HMCN2: variants seen among roughly 807,000 people sequenced by gnomAD.
HMCN2 encodes the protein hemicentin 2.
In HMCN2, 325 loss-of-function variants were observed where a neutral mutation model predicts 377.5. The observed-to-expected ratio is 0.86, with a 90% confidence interval of 0.79 to 0.94. The LOEUF (loss-of-function observed/expected upper bound fraction) is 0.94, where lower values mean the gene tolerates loss of function less well. HMCN2 is among the 40% of genes least tolerant of loss of function. The pLI is 0.00. For synonymous variants in HMCN2, 2,007 were observed against 2,046.8 expected (o/e 0.98, Z 0.53); for missense variants, 4,543 against 4,725.3 (o/e 0.96, Z 1.13).
At chr9:130,395,177 C>T (rs1355657727) in intron 70 of HMCN2, 34 bp from the exon 71 acceptor site, 2 of 1,283,912 alleles carry the variant, frequency 1.6e-6, no homozygotes, top group Non-Finnish European at 2.0e-6. Context: ...GGTGAGTCCC[C>T]CTCTCATATC....
chr9:130,371,756 AC>A (rs558963487), intron 46 of HMCN2, among the ~76,000 whole-genome samples: 3 of 152,350 alleles, frequency 2.0e-5, no homozygotes, highest in Admixed American at 1.3e-4. Context: ...GAATTCAGAG[AC>A]TGCATTGGGC....
chr9:130,429,523 C>T (rs1473688484), intron 93 of HMCN2, 34 bp from the exon 94 acceptor site: 2 of 1,549,568 alleles, frequency 1.3e-6, no homozygotes, highest in East Asian at 2.4e-5. Context: ...CTGGGCTAGA[C>T]CTCCCCACCA....
chr9:130,293,278 A>ATTTTTTTTTTTTTTTTTTTTTT (rs1554930691), intron 4 of HMCN2, among the ~76,000 whole-genome samples: 2 of 30,018 alleles, frequency 6.7e-5, no homozygotes, highest in Non-Finnish European at 5.3e-5. Flanking sequence ...TACTCACTAA[A>ATTTTTTTTTTTTTTTTTTTTTT]GTTTTTTTTT....
At chr9:130,339,865 C>T (rs1045404270) in intron 23 of HMCN2, among the ~76,000 whole-genome samples, 5 of 152,144 alleles carry the variant, frequency 3.3e-5, no homozygotes, top group African/African-American at 1.2e-4. Context: ...GGTGGGTGCA[C>T]CTCAGTGTCC....
rs1438727452 is a variant in HMCN2 at position 130,425,669 on chromosome 9, C to A, written c.13642-18C>A. On this transcript the variant is annotated intron_variant, in intron 89 of 97. Coordinates refer to ENST00000683500, the MANE Select transcript of HMCN2 (RefSeq NM_001291815.2). ...CTCCCCCACCCCTCCTCCTCCTCCC[C>A]TCCTCTTCATCCTGCAGGACTTTGA... 2.0e-6 allele frequency: 3 copies of A among 1,514,878 alleles called. No homozygotes were observed. The highest frequency in any genetic ancestry group is 9.0e-7 in the Non-Finnish European group (1 of 1,114,824). 93.8% of individuals were successfully genotyped at this position (1,514,878 alleles called of 1,614,324 possible).
rs1839233543 is a variant in HMCN2 at position 130,344,475 on chromosome 9, G to T, written c.3829+2039G>T. On this transcript the variant is annotated intron_variant, in intron 25 of 97. Coordinates refer to ENST00000683500, the MANE Select transcript of HMCN2 (RefSeq NM_001291815.2). ...GGTGTTTGGTGTATGTTGTGTGTGT[G>T]GTGTGCATGGTGTTTGTGTGTGGTG... 2.0e-5 allele frequency among the ~76,000 whole-genome samples: 3 copies of T among 151,292 alleles called. No individual in the cohort carries two copies. The South Asian group carries it at 6.3e-4, about 32-fold the overall frequency.
intron 89 of HMCN2, 116 bp downstream of exon 89, chr9:130,425,246 GCTGGGTCACAGTCTAGC>G (rs1477155963): frequency 8.2e-7 from 1 of 1,220,594 alleles, no homozygotes; most frequent in East Asian, 2.6e-5. Context: ...GCGCTGCAGG[GCTGGGTCACAGTCTAGC>G]CTTGGACTTA....
intron 1 of HMCN2, among the ~76,000 whole-genome samples, chr9:130,278,403 C>T (rs1019786978): frequency 3.6e-4 from 55 of 152,064 alleles, no homozygotes; most frequent in Non-Finnish European, 5.3e-4. Flanking sequence ...GGATTACAGG[C>T]GTGAGCCACC....
intron 8 of HMCN2, 104 bp downstream of exon 8, chr9:130,299,392 T>C (rs1836346072): frequency 5.5e-6 from 2 of 362,234 alleles, no homozygotes; most frequent in Admixed American, 7.7e-5. Flanking sequence ...GATTAGAAAG[T>C]GTTTGTTCAT....
rs2131673283 is a variant in HMCN2, at chr9:130,391,206, G to A, written c.9670G>A (p.Ala3224Thr). 2 of 987,914 alleles carry A rather than the reference G, an allele frequency of 2.0e-6. No homozygotes were observed. The highest frequency in any genetic ancestry group is 2.3e-4 in the East Asian group (2 of 8,824). The allele number at this position is 987,914 out of a possible 1,614,324, so 61.2% of individuals were successfully genotyped here. A position where few individuals can be genotyped will look rare whatever the true frequency, so the allele number is the denominator to read the frequency against. ...GCCTCACTGCACCCCTGCCTCAGTG[G>A]CCCCCCGGATCCGGAGCTCGGGCGT... is the stretch of plus-strand genomic sequence containing the variant. ...RKDFVVAVLV[A>T]PRIRSSGVAR... Residue 3224 changes from alanine (A) to threonine (T), a missense_variant and splice_region_variant, in exon 64 of 98, where the codon GCC (alanine) becomes ACC (threonine). Physicochemically the swap from Ala to Thr is moderately conservative, Grantham distance 58. Around this residue, in one of 5 missense-constraint regions of HMCN2, gnomAD observed 736 missense variants for 773.2 expected, o/e 0.95. Transcript: ENST00000683500.
chr9:130,272,225 T>TA (rs1248542566), intron 1 of HMCN2, among the ~76,000 whole-genome samples: 11 of 149,022 alleles, frequency 7.4e-5, no homozygotes, highest in African/African-American at 1.9e-4. Context: ...TCTTCTTTTT[T>TA]AAAAAAAATA....
At chr9:130,346,845 G>T (rs1262814802) in intron 25 of HMCN2, among the ~76,000 whole-genome samples, 5 of 152,126 alleles carry the variant, frequency 3.3e-5, no homozygotes, top group African/African-American at 9.7e-5. Context: ...GGGGCTGGGG[G>T]TGCCTGTTGG....
At position 130,395,495 on chromosome 9, in the gene HMCN2, G is replaced by C. The variant is rs772800365; in HGVS notation, c.10911+148G>C. On this transcript the variant is annotated intron_variant, in intron 71 of 97. Transcript: ENST00000683500. ...CTGTTCCCCGGGTGTCATACCCCCC[G>C]CCATTGTCATTGTCACTCCCATTTT... 3 of 658,426 alleles carry C rather than the reference G, an allele frequency of 4.6e-6. No homozygotes were observed. In the South Asian group the frequency reaches 5.8e-5, roughly 13 times the overall value. The allele number at this position is 658,426 out of a possible 1,614,324, so 40.8% of individuals were successfully genotyped here.
Position 130,358,562 on chromosome 9 carries a change from T to A in HMCN2, c.5677+76T>A, listed in dbSNP as rs1840178512. 3 of 1,270,352 alleles carry A rather than the reference T, an allele frequency of 2.4e-6. 1 individual carries two copies. The Admixed American group carries it at 6.9e-5, about 29-fold the overall frequency. 78.7% of individuals were successfully genotyped at this position (1,270,352 alleles called of 1,614,324 possible). A position where few individuals can be genotyped will look rare whatever the true frequency, so the allele number is the denominator to read the frequency against. On this transcript the variant is annotated intron_variant, in intron 36 of 97. Coordinates refer to ENST00000683500, the MANE Select transcript of HMCN2 (RefSeq NM_001291815.2). ...CTTGGGGACCCTTGGGGCTGAAGTG[T>A]GTGGCGAGGGAGGGGGAGGAGGTTT...
At position 130,296,712 on chromosome 9, in the gene HMCN2, C is replaced by G. The variant is rs535552530; in HGVS notation, c.930C>G (p.Gly310=). Residue 310 remains glycine (G), a synonymous_variant, in exon 7 of 98, where the codon GGC becomes GGG. Coordinates refer to ENST00000683500, the MANE Select transcript of HMCN2 (RefSeq NM_001291815.2). ...SSGRHSVRIT[G]VSNIDFRAGF... is the part of the protein sequence containing the mutation. ...GCCGCCATTCAGTGAGGATCACAGGCGTCAGCAACATTGACTTCCGAGCCG... is the reference window on the plus strand; with the variant it reads ...GCCGCCATTCAGTGAGGATCACAGGGGTCAGCAACATTGACTTCCGAGCCG... The G allele has an allele frequency of 3.4e-5, 16 of 471,134 alleles. No homozygotes were observed. The highest frequency in any genetic ancestry group is 3.2e-4 in the African/African-American group (16 of 50,164). The allele number at this position is 471,134 out of a possible 1,614,324, so 29.2% of individuals were successfully genotyped here.
intron 4 of HMCN2, 75 bp from the exon 5 acceptor site, chr9:130,294,780 T>G: frequency 2.8e-6 from 1 of 354,854 alleles, no homozygotes; most frequent in Non-Finnish European, 5.9e-6. Context: ...AAAGTTTGTA[T>G]GCTGCCTAAA....
intron 84 of HMCN2, among the ~76,000 whole-genome samples, chr9:130,409,588 T>A (rs1588416631): frequency 6.6e-6 from 1 of 152,204 alleles, no homozygotes; most frequent in East Asian, 1.9e-4. Flanking sequence ...GTAAGAGCAG[T>A]GGTAATAATG....
intron 28 of HMCN2, 130 bp from the exon 29 acceptor site, chr9:130,349,407 G>T: frequency 9.1e-7 from 1 of 1,102,310 alleles, no homozygotes; most frequent in South Asian, 1.6e-5. Flanking sequence ...CAGGGTTTTG[G>T]GGGGCTTCCC....
intron 85 of HMCN2, among the ~76,000 whole-genome samples, chr9:130,413,787 G>A (rs7044220): frequency 0.38 from 57,827 of 151,800 alleles, 11,407 homozygotes; most frequent in Middle Eastern, 0.49. Flanking sequence ...GCACCTCAAC[G>A]AGAGCCTGTC....
Sources: gnomAD v4.1 joint callset for allele counts (sites outside exome capture counted in the v4.1 genomes callset) on GRCh38, gnomAD v4.1.1 for gene constraint, gnomAD v4.1.1 regional missense constraint, MANE v1.5 for transcripts, NCBI Gene and HGNC (gene_info 2026-07-23, HGNC 2026-07-21) for gene names.